ALDH4A1: variants seen among roughly 807,000 people sequenced by gnomAD.
The protein encoded by ALDH4A1 is aldehyde dehydrogenase 4 family member A1.
A neutral mutation model predicts 70.5 loss-of-function variants in ALDH4A1; 46 were observed. The observed-to-expected ratio is 0.65, with a 90% confidence interval of 0.51 to 0.83. The LOEUF (loss-of-function observed/expected upper bound fraction) is 0.83. ALDH4A1 is among the 40% of genes least tolerant of loss of function. The pLI, the probability that ALDH4A1 is intolerant of heterozygous loss-of-function variation, is 0.00. For synonymous variants in ALDH4A1, 323 were observed against 324.3 expected, an observed-to-expected ratio of 1.00 and a Z score of 0.04; for missense variants, 749 against 766.5, an observed-to-expected ratio of 0.98 and a Z score of 0.27.
Position 18,881,767 on chromosome 1 carries a change from G to T in ALDH4A1, c.799C>A (p.Pro267Thr). 1 of 1,614,064 alleles carries T rather than the reference G, an allele frequency of 6.2e-7. No individual in the cohort carries two copies. The highest frequency in any genetic ancestry group is 1.6e-4 in the Middle Eastern group (1 of 6,062). Residue 267 changes from proline to threonine, a missense_variant, in exon 8 of 15, where the codon CCC (proline) becomes ACC (threonine). By Grantham distance (38) the Pro-to-Thr change is conservative (BLOSUM62 -1). Coordinates refer to ENST00000375341, the MANE Select transcript of ALDH4A1 (RefSeq NM_003748.4). ...CTGGTGACAGTGTCCCCAAATAGGG[G>T]CCCATCAGCTGGCACAAACTGGATG... ...NIIQFVPADG[P>T]LFGDTVTSSE...
intron 1 of ALDH4A1, among the ~76,000 whole-genome samples, chr1:18,891,760 G>T (rs1167346224): frequency 6.6e-6 from 1 of 152,196 alleles, no homozygotes; most frequent in Admixed American, 6.5e-5. Context: ...CGGCATGGTG[G>T]CTCACACCTG....
intron 1 of ALDH4A1, among the ~76,000 whole-genome samples, chr1:18,892,792 C>G (rs28666920): frequency 0.079 from 11,952 of 152,132 alleles, 692 homozygotes; most frequent in African/African-American, 0.17. Context: ...CCCTCCCTCC[C>G]TAAAACACTG....
At chr1:18,878,093 A>G (rs1934803612) in intron 9 of ALDH4A1, among the ~76,000 whole-genome samples, 1 of 152,078 alleles carries the variant, frequency 6.6e-6, no homozygotes, top group Non-Finnish European at 1.5e-5. Context: ...CCATTTCCCC[A>G]GTGGGAGGGA....
At chr1:18,874,211 G>A (rs1011399792) in intron 14 of ALDH4A1, among the ~76,000 whole-genome samples, 3 of 152,232 alleles carry the variant, frequency 2.0e-5, no homozygotes, top group Non-Finnish European at 4.4e-5. Flanking sequence ...AAGTGCGGCT[G>A]CTGGAGCCAA....
rs763793413 is a variant in ALDH4A1, at chr1:18,877,471, C to G, written c.1082G>C (p.Trp361Ser). ...CAGCAGCCGCCCTTTGATCTGCGGC[C>G]ACAGCGAGTGCGGCACGTAGAGACG... ...CSRLYVPHSLWPQIKGRLLEE... is the reference protein window; with the variant it reads ...CSRLYVPHSLSPQIKGRLLEE... The change falls in exon 10 of 15, where the codon TGG (tryptophan) becomes TCG (serine). Residue 361 changes from tryptophan (W) to serine (S), a missense_variant. By Grantham distance (177) the Trp-to-Ser change is radical. Coordinates refer to ENST00000375341, the MANE Select transcript of ALDH4A1 (RefSeq NM_003748.4). The G allele has an allele frequency of 4.7e-5, 75 of 1,596,858 alleles. No homozygotes were observed. The Middle Eastern group carries it at 5.1e-4, about 11-fold the overall frequency.
intron 5 of ALDH4A1, among the ~76,000 whole-genome samples, chr1:18,884,929 G>A (rs1935132744): frequency 6.6e-6 from 1 of 152,216 alleles, no homozygotes; most frequent in Non-Finnish European, 1.5e-5. Flanking sequence ...GCCATGGCCG[G>A]GGAGTCCTGC....
intron 2 of ALDH4A1, 65 bp from the exon 3 acceptor site, chr1:18,889,519 A>C: frequency 1.4e-6 from 2 of 1,411,312 alleles, no homozygotes; most frequent in Non-Finnish European, 2.0e-6. Context: ...CTAAAACCCT[A>C]ACGCAGAGTC....
Position 18,876,353 on chromosome 1 carries a change from C to T in ALDH4A1, c.1300G>A (p.Val434Met), listed in dbSNP as rs761669593. Residue 434 changes from valine to methionine, a missense_variant, in exon 12 of 15, where the codon GTG becomes ATG. Val to Met is a conservative substitution (Grantham distance 21, BLOSUM62 1). Coordinates refer to ENST00000375341, the MANE Select transcript of ALDH4A1 (RefSeq NM_003748.4). ...SVGYFVEPCI[V>M]ESKDPQEPIM... ...GGCTCCTGAGGGTCCTTGCTCTCCA[C>T]GATGCAGGGCTCCACAAAGTAGCCC... is the stretch of plus-strand genomic sequence containing the variant. The T allele has an allele frequency of 8.7e-6, 14 of 1,613,830 alleles. No homozygotes were observed. Among genetic ancestry groups the T allele is most frequent in the African/African-American group, 2.7e-5 (2 of 74,932 alleles).
chr1:18,882,613 G>A (rs762598416), intron 7 of ALDH4A1: 4 of 537,038 alleles, frequency 7.4e-6, no homozygotes, highest in South Asian at 2.8e-5. Context: ...AGTAAGTCAC[G>A]GCTGTGTGTC....
In ALDH4A1 at chr1:18,898,111, G is replaced by A. The variant is rs1454978383; in HGVS notation, c.62+4351C>T. On this transcript the variant is annotated intron_variant, in intron 1 of 14. Transcript: ENST00000375341. This position sits in a 1 kb window ranked among gnomAD's most constrained non-coding sequence, Gnocchi z 4.3. ...CAGGAGGATCACTTCAGCCCAGGAGGTTGAGATCATCCTGGCCAACATGGT... is the reference window on the plus strand; with the variant it reads ...CAGGAGGATCACTTCAGCCCAGGAGATTGAGATCATCCTGGCCAACATGGT... Among the ~76,000 whole-genome samples the A allele has an allele frequency of 6.6e-6, 1 of 151,942 alleles. No individual in the cohort carries two copies. Among genetic ancestry groups the A allele is most frequent in the African/African-American group, 2.4e-5 (1 of 41,362 alleles).
intron 3 of ALDH4A1, among the ~76,000 whole-genome samples, chr1:18,887,448 A>T (rs1379877274): frequency 1.3e-5 from 2 of 152,164 alleles, no homozygotes; most frequent in African/African-American, 4.8e-5. Context: ...AAATACAAAA[A>T]ATTAGCTGGG....
intron 1 of ALDH4A1, among the ~76,000 whole-genome samples, chr1:18,895,197 G>T (rs1935576253): frequency 6.6e-6 from 1 of 152,192 alleles, no homozygotes; most frequent in Admixed American, 6.5e-5. Flanking sequence ...CTTTCTCAGA[G>T]CAGCCCTCAG....
chr1:18,895,424 C>T (rs796737955), intron 1 of ALDH4A1, among the ~76,000 whole-genome samples: 7 of 152,242 alleles, frequency 4.6e-5, no homozygotes, highest in South Asian at 4.1e-4. Flanking sequence ...ATCTGATCCA[C>T]GAAGGCCATG....
intron 5 of ALDH4A1, 46 bp downstream of exon 5, chr1:18,885,427 T>TACCA: frequency 1.5e-6 from 1 of 650,922 alleles, no homozygotes; most frequent in Non-Finnish European, 2.7e-6. Context: ...CACACCTGAC[T>TACCA]CCCACCCCAC....
intron 1 of ALDH4A1, among the ~76,000 whole-genome samples, chr1:18,899,474 T>C (rs1222434492): frequency 2.0e-5 from 3 of 152,232 alleles, no homozygotes; most frequent in African/African-American, 7.2e-5. Context: ...CTGGGCTGGC[T>C]ATTAATCTGT....
At chr1:18,879,536 G>GCAA (rs1934879361) in intron 8 of ALDH4A1, among the ~76,000 whole-genome samples, 163 bp from the exon 9 acceptor site, 1 of 152,162 alleles carries the variant, frequency 6.6e-6, no homozygotes, top group Admixed American at 6.5e-5. Context: ...CGGGGAGCGG[G>GCAA]CAACGGGGGG....
chr1:18,892,031 G>GAA (rs368286664), intron 1 of ALDH4A1, among the ~76,000 whole-genome samples: 1 of 143,674 alleles, frequency 7.0e-6, no homozygotes, highest in African/African-American at 2.5e-5. Context: ...CCATCTCAAG[G>GAA]AAAAAAAAAA....
At chr1:18,879,759 G>A (rs555316573) in intron 8 of ALDH4A1, among the ~76,000 whole-genome samples, 1 of 152,276 alleles carries the variant, frequency 6.6e-6, no homozygotes, top group Non-Finnish European at 1.5e-5. Context: ...CACACTGCAG[G>A]TACCTGGCAG....
At chr1:18,879,469 A>G (rs1934875400) in intron 8 of ALDH4A1, 96 bp from the exon 9 acceptor site, 1 of 1,094,400 alleles carries the variant, frequency 9.1e-7, no homozygotes, top group Non-Finnish European at 1.4e-6. Context: ...GCAGCCCAGC[A>G]GGAGGTGGGA....
Sources: allele counts gnomAD v4.1 joint callset (sites outside exome capture counted in the v4.1 genomes callset), GRCh38; gene constraint gnomAD v4.1.1; non-coding constraint Gnocchi (gnomAD v3.1); transcripts MANE v1.5; gene names NCBI Gene and HGNC (gene_info 2026-07-23, HGNC 2026-07-21).